IL7: variants seen among roughly 807,000 people sequenced by gnomAD.
The protein encoded by IL7 is interleukin-7.
Under a neutral mutation model 21.6 loss-of-function variants are expected in IL7, and 3 were observed. The ratio of observed to expected loss-of-function variants is 0.14; its 90% confidence interval spans 0.06 to 0.36. IL7 has a LOEUF of 0.36. IL7 is among the 10% of genes least tolerant of loss of function. The probability of loss-of-function intolerance (pLI) is 1.00; values close to 1 mark genes in which losing one functional copy is unlikely to be tolerated. For synonymous variants in IL7, 62 were observed against 68.1 expected (o/e 0.91, Z 0.44); for missense variants, 175 against 200.2 (o/e 0.87, Z 0.76).
At chr8:78,740,529 T>A (rs1811741352) in intron 2 of IL7, among the ~76,000 whole-genome samples, 1 of 152,166 alleles carries the variant, frequency 6.6e-6, no homozygotes, top group Non-Finnish European at 1.5e-5. Flanking sequence ...GCTCAACACA[T>A]AAGAGAAAGA....
At chr8:78,747,043 A>G (rs1812002236) in intron 2 of IL7, 1 of 456,644 alleles carries the variant, frequency 2.2e-6, no homozygotes, top group South Asian at 1.5e-5. Context: ...TATTGCTCAT[A>G]GCTGATTGCT....
chr8:78,714,491 T>C (rs1393794620), downstream of IL7, among the ~76,000 whole-genome samples: 2 of 152,210 alleles, frequency 1.3e-5, no homozygotes, highest in African/African-American at 2.4e-5. Context: ...TTATAAATGA[T>C]GAGACTCAGA....
Position 78,689,173 on chromosome 8 carries a change from C to T in IL7, n.215-3226G>A, listed in dbSNP as rs778017845. The T allele has an allele frequency of 1.6e-5, 21 of 1,309,292 alleles. No homozygotes were observed. In the Admixed American group the frequency reaches 2.4e-4, roughly 15 times the overall value. The allele number at this position is 1,309,292 out of a possible 1,614,324, so 81.1% of individuals were successfully genotyped here. The stretch of plus-strand genomic sequence containing the variant: ...TAGAAACTTAAGATTTTTTAATGTC[C>T]GTTTCAAGTACTATGCTATTAATCT... On this transcript the variant is annotated intron_variant and non_coding_transcript_variant, in intron 3 of 4. Coordinates refer to the IL7 transcript ENST00000523959.
intron 2 of IL7, among the ~76,000 whole-genome samples, chr8:78,782,947 A>G (rs534401999): frequency 6.6e-6 from 1 of 152,284 alleles, no homozygotes; most frequent in African/African-American, 2.4e-5. Context: ...TGCAGCCTAA[A>G]GAGGCAGTCT....
chr8:78,680,490 G>A (rs931452343), intron 4 of IL7, among the ~76,000 whole-genome samples: 6 of 152,058 alleles, frequency 3.9e-5, no homozygotes, highest in Admixed American at 1.3e-4. Flanking sequence ...TGGGTGAGTC[G>A]TATGCACATT....
chr8:78,691,562 T>C (rs1278108370), intron 3 of IL7, among the ~76,000 whole-genome samples: 1 of 152,152 alleles, frequency 6.6e-6, no homozygotes, highest in Non-Finnish European at 1.5e-5. Flanking sequence ...TTGCCTGTCA[T>C]TTACATTTGG....
chr8:78,726,979 C>G (rs754796677), intron 3 of IL7, among the ~76,000 whole-genome samples: 1 of 151,928 alleles, frequency 6.6e-6, no homozygotes, highest in Non-Finnish European at 1.5e-5. Context: ...GAGATCCTTT[C>G]AGTTACCTTG....
chr8:78,767,594 C>A (rs565182838), intron 2 of IL7, among the ~76,000 whole-genome samples: 3 of 152,112 alleles, frequency 2.0e-5, no homozygotes, highest in Admixed American at 6.6e-5. Flanking sequence ...CCTCCCATAA[C>A]CACGCACTTT....
At chr8:78,691,541 GTTGGTCAAAA>G (rs1325998911) in intron 3 of IL7, among the ~76,000 whole-genome samples, 3 of 151,834 alleles carry the variant, frequency 2.0e-5, no homozygotes, top group Non-Finnish European at 4.4e-5. Context: ...ACTTCATCTT[GTTGGTCAAAA>G]TTGCCTGTCA....
intron 3 of IL7, among the ~76,000 whole-genome samples, chr8:78,706,637 T>A (rs940835997): frequency 1.3e-5 from 2 of 152,212 alleles, no homozygotes; most frequent in Non-Finnish European, 2.9e-5. Context: ...TCAAGTTGTT[T>A]CCTTGATTAG....
chr8:78,753,606 T>A (rs1231581405), intron 2 of IL7, among the ~76,000 whole-genome samples: 2 of 152,182 alleles, frequency 1.3e-5, no homozygotes, highest in African/African-American at 4.8e-5. Flanking sequence ...AATTTGGGCC[T>A]TTGTTGCCAT....
At chr8:78,771,621 A>G (rs1012891844) in intron 2 of IL7, among the ~76,000 whole-genome samples, 10 of 152,238 alleles carry the variant, frequency 6.6e-5, no homozygotes, top group South Asian at 6.2e-4. Flanking sequence ...AAAGCATTCA[A>G]CTGGGGTCTT....
chr8:78,721,286 T>C (rs577689283), intron 4 of IL7: 1 of 152,184 alleles, frequency 6.6e-6, no homozygotes, highest in South Asian at 2.1e-4. Context: ...TTCCCATTTT[T>C]TCTTTTCTTC....
exon 5 of IL7, chr8:78,676,044 A>C: frequency 4.6e-6 from 2 of 431,820 alleles, no homozygotes; most frequent in Non-Finnish European, 8.0e-6. Context: ...TCTTTCCTTC[A>C]GAGTTTGGTC....
intron 1 of IL7, among the ~76,000 whole-genome samples, chr8:78,803,458 T>C (rs1279570142): frequency 6.6e-6 from 1 of 152,220 alleles, no homozygotes; most frequent in African/African-American, 2.4e-5. Context: ...GCACTCTTAA[T>C]GGAACAAGCT....
rs529661821 is a variant in IL7, at chr8:78,685,550, A to C, written n.273+339T>G. 5.9e-5 allele frequency among the ~76,000 whole-genome samples: 9 copies of C among 152,340 alleles called. No individual in the cohort carries two copies. The South Asian group carries it at 1.9e-3, about 32-fold the overall frequency. On this transcript the variant is annotated intron_variant and non_coding_transcript_variant, in intron 4 of 4. Coordinates refer to the IL7 transcript ENST00000523959. ...GGGAGGGAGGGAATAGTTTCCTATA[A>C]ACAATTACTAGAAATTATTACATTA...
At chr8:78,686,226 C>T (rs865779787) in intron 3 of IL7, among the ~76,000 whole-genome samples, 1 of 152,072 alleles carries the variant, frequency 6.6e-6, no homozygotes, top group African/African-American at 2.4e-5. Flanking sequence ...GATGTAACAC[C>T]TACAGAAGGC....
chr8:78,684,904 G>A (rs908418917), intron 4 of IL7, among the ~76,000 whole-genome samples: 15 of 151,970 alleles, frequency 9.9e-5, no homozygotes, highest in Non-Finnish European at 1.8e-4. Flanking sequence ...AGGTAGACTC[G>A]ACCTAATAAA....
chr8:78,778,952 C>T (rs960320899), intron 2 of IL7, among the ~76,000 whole-genome samples: 13 of 152,016 alleles, frequency 8.6e-5, no homozygotes, highest in African/African-American at 2.9e-4. Flanking sequence ...CCTGAGAGGT[C>T]TTCACTTGCC....
Sources: allele counts gnomAD v4.1 joint callset (sites outside exome capture counted in the v4.1 genomes callset), GRCh38; gene constraint gnomAD v4.1.1; transcripts MANE v1.5; gene names NCBI Gene and HGNC (gene_info 2026-07-23, HGNC 2026-07-21).